The following NFE2L1 variants were observed in gnomAD, a reference collection of about 807,000 sequenced individuals.
NFE2L1 encodes the protein endoplasmic reticulum membrane sensor NFE2L1.
In NFE2L1, 18 loss-of-function variants were observed where a neutral mutation model predicts 61.6. The observed-to-expected ratio is 0.29, with a 90% CI of 0.20 to 0.43. The LOEUF (loss-of-function observed/expected upper bound fraction) is 0.43. Ranked by LOEUF, NFE2L1 falls within the 20% of genes least tolerant of loss-of-function variation. The pLI, the probability that NFE2L1 is intolerant of heterozygous loss-of-function variation, is 1.00. For synonymous variants in NFE2L1, 419 were observed against 402.7 expected, an observed-to-expected ratio of 1.04 and a Z score of -0.48; for missense variants, 827 against 973.5, an observed-to-expected ratio of 0.85 and a Z score of 2.00.
rs1259070465 is a variant in NFE2L1 at position 48,058,960 on chromosome 17, T to G, written c.1638T>G (p.Pro546=). The change falls in exon 6 of 6, where the codon CCT becomes CCG. Residue 546 remains proline (P), a synonymous_variant. Transcript: ENST00000362042. ...EEAEGAVGYQ[P]EYSKFCRMSY... ...CCGAGGGTGCTGTGGGCTACCAGCC[T>G]GAGTATTCCAAGTTCTGCCGCATGA... 2 of 1,614,002 alleles carry G rather than the reference T, an allele frequency of 1.2e-6. No homozygotes were observed. Among genetic ancestry groups the G allele is most frequent in the Non-Finnish European group, 1.7e-6 (2 of 1,180,018 alleles).
chr17:48,055,184 C>T (rs1460476727), intron 2 of NFE2L1: 2 of 1,306,846 alleles, frequency 1.5e-6, no homozygotes, highest in African/African-American at 1.6e-5. Context: ...AGTAGTACGT[C>T]TGGGAGGTCT....
In NFE2L1 at chr17:48,053,081, G is replaced by T. The variant is rs536335955; in HGVS notation, c.510+1453G>T. The stretch of plus-strand genomic sequence containing the variant: ...TAATCTTGGCACAGTGTTCTGAAGT[G>T]TGCTTCCCAGTCTCTGCTCTATGCT... On this transcript the variant is annotated intron_variant, in intron 2 of 5. Coordinates refer to ENST00000362042, the MANE Select transcript of NFE2L1 (RefSeq NM_003204.3). Among the ~76,000 whole-genome samples the T allele has an allele frequency of 1.3e-4, 20 of 152,244 alleles. No individual in the cohort carries two copies. The South Asian group carries it at 4.1e-3, about 32-fold the overall frequency.
Position 48,056,548 on chromosome 17 carries a change from G to C in NFE2L1, c.673G>C (p.Ala225Pro). The stretch of plus-strand genomic sequence containing the variant: ...GGCAGGCGAGGGCGCGGAAGCTCTG[G>C]CACGGAACCTGCTAGTGGATGGAGA... ...TWAGEGAEAL[A>P]RNLLVDGETG... Residue 225 changes from alanine to proline, a missense_variant, in exon 3 of 6, where the codon GCA becomes CCA. Physicochemically the swap from Ala to Pro is conservative, Grantham distance 27. Around this residue, in one of 3 missense-constraint regions of NFE2L1, gnomAD observed 667 missense variants for 748.4 expected, o/e 0.89. Coordinates refer to ENST00000362042, the MANE Select transcript of NFE2L1 (RefSeq NM_003204.3). 1 of 1,614,004 alleles carries C rather than the reference G, an allele frequency of 6.2e-7. No individual in the cohort carries two copies. The highest frequency in any genetic ancestry group is 8.5e-7 in the Non-Finnish European group (1 of 1,180,002).
chr17:48,058,304 G>T lies in NFE2L1; in HGVS notation c.982G>T (p.Val328Leu). The change falls in exon 6 of 6, where the codon GTG becomes TTG. Residue 328 changes from valine to leucine, a missense_variant. Around this residue, in one of 3 missense-constraint regions of NFE2L1, gnomAD observed 667 missense variants for 748.4 expected, o/e 0.89. Transcript: ENST00000362042. ...TCTTCTCCCCTCCCAGGCCATGGAAGTGAACACATCAGCAAGTGAAATCCT... is the reference window on the plus strand; with the variant it reads ...TCTTCTCCCCTCCCAGGCCATGGAATTGAACACATCAGCAAGTGAAATCCT... ...MSIMEMQAME[V>L]NTSASEILYS... The T allele has an allele frequency of 1.3e-6, 2 of 1,585,520 alleles. No individual in the cohort carries two copies. Among genetic ancestry groups the T allele is most frequent in the East Asian group, 4.5e-5 (2 of 44,490 alleles).
rs1442595532 is a variant in NFE2L1 at position 48,061,525 on chromosome 17, A to G, written c.*1884A>G. 1 of 152,200 alleles carries G rather than the reference A, an allele frequency of 6.6e-6. No individual in the cohort carries two copies. Among genetic ancestry groups the G allele is most frequent in the African/African-American group, 2.4e-5 (1 of 41,454 alleles). The allele number at this position is 152,200 out of a possible 1,614,324, so 9.4% of individuals were successfully genotyped here. A position where few individuals can be genotyped will look rare whatever the true frequency, so the allele number is the denominator to read the frequency against. On this transcript the variant is annotated 3_prime_UTR_variant, in exon 6 of 6. Coordinates refer to ENST00000362042, the MANE Select transcript of NFE2L1 (RefSeq NM_003204.3). Reference sequence around the variant, plus strand: ...CCCACTTTGAATTTAAATTGAGAATAAAGGAAATGGACTCATTGTAGGGAG... The same window carrying G: ...CCCACTTTGAATTTAAATTGAGAATGAAGGAAATGGACTCATTGTAGGGAG...
At position 48,059,710 on chromosome 17, in the gene NFE2L1, A is replaced by G. The variant is rs1282159249; in HGVS notation, c.*69A>G. On this transcript the variant is annotated 3_prime_UTR_variant, in exon 6 of 6. Coordinates refer to ENST00000362042, the MANE Select transcript of NFE2L1 (RefSeq NM_003204.3). This position sits in a 1 kb window ranked among gnomAD's most constrained non-coding sequence, Gnocchi z 6.1. ...GGAGAAGGGCTGGACCTGGACCTGG[A>G]CCTGGACCTACAGCGGGGACTTAAA... is the stretch of plus-strand genomic sequence containing the variant. 5 of 1,504,338 alleles carry G rather than the reference A, an allele frequency of 3.3e-6. No homozygotes were observed. Among genetic ancestry groups the G allele is most frequent in the Non-Finnish European group, 3.5e-6 (4 of 1,133,622 alleles). The allele number at this position is 1,504,338 out of a possible 1,614,324, so 93.2% of individuals were successfully genotyped here. A position where few individuals can be genotyped will look rare whatever the true frequency, so the allele number is the denominator to read the frequency against.
intron 2 of NFE2L1, among the ~76,000 whole-genome samples, chr17:48,051,908 G>T (rs1363111551): frequency 6.6e-6 from 1 of 152,154 alleles, no homozygotes; most frequent in Non-Finnish European, 1.5e-5. Context: ...ATTTCAGCGT[G>T]ACTGCTGGAG....
chr17:48,050,462 G>C (rs2037221583), intron 1 of NFE2L1, 145 bp from the exon 2 acceptor site: 1 of 385,302 alleles, frequency 2.6e-6, no homozygotes, highest in South Asian at 1.4e-4. Context: ...CTGGGCGACA[G>C]AGTGAGACTC....
At position 48,060,998 on chromosome 17, in the gene NFE2L1, TTTC is replaced by T. The variant is rs1446273108; in HGVS notation, c.*1360_*1362del. On this transcript the variant is annotated 3_prime_UTR_variant, in exon 6 of 6. Transcript: ENST00000362042. ...CCTCTGTCCCGAGGTCGTCGTCTGC[TTTC>T]TTTTTTGGGTTTCTTTCTAGAAGAT... is the stretch of plus-strand genomic sequence containing the variant. The T allele has an allele frequency of 2.0e-5, 3 of 152,666 alleles. No homozygotes were observed. Among genetic ancestry groups the T allele is most frequent in the Non-Finnish European group, 4.4e-5 (3 of 68,052 alleles). 9.5% of individuals were successfully genotyped at this position (152,666 alleles called of 1,614,324 possible).
chr17:48,050,514 T>G, intron 1 of NFE2L1, 93 bp from the exon 2 acceptor site: 1 of 399,376 alleles, frequency 2.5e-6, no homozygotes, highest in Non-Finnish European at 4.4e-6. Context: ...TTTGAATGTG[T>G]TTTCTACCTT....
chr17:48,058,430 G>C lies in NFE2L1; in HGVS notation c.1108G>C (p.Gly370Arg). 1 of 1,614,152 alleles carries C rather than the reference G, an allele frequency of 6.2e-7. No homozygotes were observed. Among genetic ancestry groups the C allele is most frequent in the Non-Finnish European group, 8.5e-7 (1 of 1,180,028 alleles). The change falls in exon 6 of 6, where the codon GGC (glycine) becomes CGC (arginine). Residue 370 changes from glycine to arginine, a missense_variant. Around this residue, in one of 3 missense-constraint regions of NFE2L1, gnomAD observed 667 missense variants for 748.4 expected, o/e 0.89. Coordinates refer to ENST00000362042, the MANE Select transcript of NFE2L1 (RefSeq NM_003204.3). ...NVSLHQASLG[G>R]CSQDFLLFSP... ...CAGCCTGCATCAGGCGTCCCTGGGGGGCTGCAGCCAGGACTTCTTACTCTT... is the reference window on the plus strand; with the variant it reads ...CAGCCTGCATCAGGCGTCCCTGGGGCGCTGCAGCCAGGACTTCTTACTCTT...
chr17:48,058,800 C>T lies in NFE2L1; in HGVS notation c.1478C>T (p.Ser493Phe). The change falls in exon 6 of 6, where the codon TCT (serine) becomes TTT (phenylalanine). Residue 493 changes from serine (S) to phenylalanine (F), a missense_variant. Coordinates refer to ENST00000362042, the MANE Select transcript of NFE2L1 (RefSeq NM_003204.3). The part of the protein sequence containing the change: ...SSHSPSSLSS[S>F]EGSSSSSSSS... Reference sequence around the variant, plus strand: ...CATAGCCCTTCTTCCCTAAGCAGCTCTGAAGGCAGTTCTTCCTCTTCTTCC... The same window carrying T: ...CATAGCCCTTCTTCCCTAAGCAGCTTTGAAGGCAGTTCTTCCTCTTCTTCC... 1 of 1,614,164 alleles carries T rather than the reference C, an allele frequency of 6.2e-7. No individual in the cohort carries two copies. The highest frequency in any genetic ancestry group is 8.5e-7 in the Non-Finnish European group (1 of 1,180,036).
At chr17:48,055,114 G>A (rs1276097167) in intron 2 of NFE2L1, 2 of 1,433,068 alleles carry the variant, frequency 1.4e-6, no homozygotes, top group African/African-American at 1.5e-5. Context: ...GGGTGGCCCA[G>A]CCCGCCTCTG....
rs1344497649 is a variant in NFE2L1, at chr17:48,058,313, TCAG to T, written c.994_996del (p.Ala332del). On this transcript the variant is annotated inframe_deletion, in exon 6 of 6. Transcript: ENST00000362042. The stretch of plus-strand genomic sequence containing the variant: ...CTCCCAGGCCATGGAAGTGAACACA[TCAG>T]CAAGTGAAATCCTGTACAGTGCCCC... 1.9e-6 allele frequency: 3 copies of T among 1,595,452 alleles called. No individual in the cohort carries two copies. Among genetic ancestry groups the T allele is most frequent in the Non-Finnish European group, 2.6e-6 (3 of 1,168,344 alleles).
intron 3 of NFE2L1, 46 bp from the exon 4 acceptor site, chr17:48,056,986 C>A (rs1476769465): frequency 6.3e-7 from 1 of 1,593,314 alleles, no homozygotes; most frequent in African/African-American, 1.3e-5. Context: ...CAGCCCCAGG[C>A]AGCCAAGGCC....
intron 3 of NFE2L1, 32 bp downstream of exon 3, chr17:48,056,630 C>T: frequency 6.2e-7 from 1 of 1,607,156 alleles, no homozygotes; most frequent in Admixed American, 1.7e-5. Context: ...GGGCTCTCTT[C>T]TTGTCCCTAC....
rs1178920654 is a variant in NFE2L1, at chr17:48,051,312, A to G, written c.194A>G (p.Tyr65Cys). 1.9e-6 allele frequency: 3 copies of G among 1,614,006 alleles called. No homozygotes were observed. Among genetic ancestry groups the G allele is most frequent in the Non-Finnish European group, 2.5e-6 (3 of 1,179,992 alleles). Reference sequence around the variant, plus strand: ...AACCTGAGGAATACCTTGGATGGCTATGGTATCCACCCCAAGAGCATAGAC... The same window carrying G: ...AACCTGAGGAATACCTTGGATGGCTGTGGTATCCACCCCAAGAGCATAGAC... ...FHNLRNTLDG[Y>C]GIHPKSIDLD... The change falls in exon 2 of 6, where the codon TAT (tyrosine) becomes TGT (cysteine). Residue 65 changes from tyrosine to cysteine, a missense_variant. Physicochemically the swap from Tyr to Cys is radical, Grantham distance 194 (BLOSUM62 -2). Transcript: ENST00000362042.
In NFE2L1 at chr17:48,050,844, C is replaced by T. The variant is rs2144349300; in HGVS notation, c.-275C>T. The stretch of plus-strand genomic sequence containing the variant: ...AGTAAGTCACGTGGGCCCTTGAGGA[C>T]CTGGACTGGGTTAGGAACAGTTGTA... On this transcript the variant is annotated 5_prime_UTR_variant, in exon 2 of 6. Coordinates refer to ENST00000362042, the MANE Select transcript of NFE2L1 (RefSeq NM_003204.3). 1.7e-6 allele frequency: 1 copy of T among 595,688 alleles called. No individual in the cohort carries two copies. Among genetic ancestry groups the T allele is most frequent in the Non-Finnish European group, 3.0e-6 (1 of 335,206 alleles). 36.9% of individuals were successfully genotyped at this position (595,688 alleles called of 1,614,324 possible). A position where few individuals can be genotyped will look rare whatever the true frequency, so the allele number is the denominator to read the frequency against.
intron 2 of NFE2L1, chr17:48,054,605 AGGGGGT>A: frequency 2.6e-6 from 1 of 379,960 alleles, no homozygotes; most frequent in Non-Finnish European, 3.3e-6. Context: ...GCGGGGTGGG[AGGGGGT>A]GGGGATTGGC....
Sources: gnomAD v4.1 joint callset for allele counts (sites outside exome capture counted in the v4.1 genomes callset) on GRCh38, gnomAD v4.1.1 for gene constraint, gnomAD v4.1.1 regional missense constraint, Gnocchi (gnomAD v3.1) non-coding constraint, MANE v1.5 for transcripts, NCBI Gene and HGNC (gene_info 2026-07-23, HGNC 2026-07-21) for gene names.